Variants in STAG1 observed in about 807,000 individuals in gnomAD.
STAG1 encodes the protein cohesin subunit SA-1.
A neutral mutation model predicts 170.9 loss-of-function variants in STAG1; 26 were observed. That is an observed-to-expected ratio of 0.15 (90% CI 0.11 to 0.21). STAG1 has a LOEUF of 0.21. Among genes scored for constraint, STAG1 ranks in the 10% least tolerant of loss-of-function variants. The pLI is 1.00. For synonymous variants in STAG1, 514 were observed against 497.7 expected, an observed-to-expected ratio of 1.03 and a Z score of -0.44; for missense variants, 964 against 1,509.5, an observed-to-expected ratio of 0.64 and a Z score of 5.99.
At chr3:136,558,629 TG>T (rs1354803968) in intron 5 of STAG1, among the ~76,000 whole-genome samples, 1 of 152,228 alleles carries the variant, frequency 6.6e-6, no homozygotes, top group East Asian at 1.9e-4. Context: ...ATACTATCTA[TG>T]AGCAAAATAT....
intron 1 of STAG1, among the ~76,000 whole-genome samples, chr3:136,673,581 A>T (rs1217438962): frequency 6.6e-6 from 1 of 152,178 alleles, no homozygotes; most frequent in East Asian, 1.9e-4. Context: ...TACATGTTGT[A>T]TGTATGTACA....
At chr3:136,581,174 T>C (rs769219885) in intron 4 of STAG1, among the ~76,000 whole-genome samples, 4 of 152,216 alleles carry the variant, frequency 2.6e-5, no homozygotes, top group Non-Finnish European at 4.4e-5. Flanking sequence ...TTAACTTAGT[T>C]ATGTTATTGA....
intron 4 of STAG1, among the ~76,000 whole-genome samples, chr3:136,573,754 C>T (rs1220765442): frequency 1.3e-5 from 2 of 151,902 alleles, no homozygotes; most frequent in East Asian, 3.9e-4. Flanking sequence ...GGGCGGATCA[C>T]GAGGTCAGGA....
At position 136,349,174 on chromosome 3, in the gene STAG1, A is replaced by C; in HGVS notation, c.3255T>G (p.His1085Gln). 6.2e-7 allele frequency: 1 copy of C among 1,613,942 alleles called. No homozygotes were observed. Among genetic ancestry groups the C allele is most frequent in the Non-Finnish European group, 8.5e-7 (1 of 1,179,858 alleles). Residue 1085 changes from histidine (H) to glutamine (Q), a missense_variant, in exon 29 of 34, where the codon CAT (histidine) becomes CAG (glutamine). This residue lies in a region of STAG1 where 122 missense variants were observed against 129.0 expected (regional missense o/e 0.95). Coordinates refer to ENST00000383202, the MANE Select transcript of STAG1 (RefSeq NM_005862.3). ...VRNKKGRPPL[H>Q]KKRVEDESLD... The stretch of plus-strand genomic sequence containing the variant: ...CAGACTTACCTTCTACTCGTTTTTT[A>C]TGAAGTGGAGGTCGTCCTTTCTTAT...
At chr3:136,474,088 A>G (rs1392462681) in intron 10 of STAG1, among the ~76,000 whole-genome samples, 1 of 152,226 alleles carries the variant, frequency 6.6e-6, no homozygotes, top group Non-Finnish European at 1.5e-5. Flanking sequence ...GACAGCAGTT[A>G]GCAAAACAGA....
intron 1 of STAG1, chr3:136,721,419 A>AT (rs1169765877): frequency 1.3e-5 from 2 of 152,018 alleles, no homozygotes; most frequent in Non-Finnish European, 2.9e-5. Flanking sequence ...TTTTTACATT[A>AT]TTTTTTTCTT....
At chr3:136,374,266 G>A (rs766789904) in intron 23 of STAG1, among the ~76,000 whole-genome samples, 2 of 151,950 alleles carry the variant, frequency 1.3e-5, no homozygotes, top group Non-Finnish European at 2.9e-5. Context: ...CCTGGATACA[G>A]CACACTGTAT....
chr3:136,639,083 A>C (rs1455148398), intron 1 of STAG1, among the ~76,000 whole-genome samples: 1 of 151,196 alleles, frequency 6.6e-6, no homozygotes, highest in African/African-American at 2.4e-5. Context: ...ACACACACAC[A>C]CCTTCCTGTC....
At chr3:136,381,412 A>C (rs1937954045) in intron 22 of STAG1, among the ~76,000 whole-genome samples, 1 of 152,234 alleles carries the variant, frequency 6.6e-6, no homozygotes, top group African/African-American at 2.4e-5. Flanking sequence ...GAAAACATTA[A>C]AAAAATGAAT....
intron 7 of STAG1, among the ~76,000 whole-genome samples, chr3:136,514,874 G>A: frequency 6.6e-6 from 1 of 152,040 alleles, no homozygotes; most frequent in East Asian, 1.9e-4. Flanking sequence ...AGAACACTTG[G>A]ACACAGGGTG....
intron 21 of STAG1, among the ~76,000 whole-genome samples, chr3:136,402,061 T>C (rs1254886152): frequency 6.6e-6 from 1 of 151,942 alleles, no homozygotes; most frequent in African/African-American, 2.4e-5. Context: ...CATTATGTAA[T>C]CAGTAAATTT....
intron 2 of STAG1, among the ~76,000 whole-genome samples, chr3:136,628,343 A>G (rs1940194360): frequency 2.0e-5 from 3 of 152,212 alleles, no homozygotes; most frequent in African/African-American, 7.2e-5. Context: ...AAATGGAATA[A>G]TACACATAGT....
At chr3:136,426,882 C>G (rs147497488) in intron 16 of STAG1, among the ~76,000 whole-genome samples, 1,700 of 152,118 alleles carry the variant, frequency 0.011, 30 homozygotes, top group East Asian at 0.049. Flanking sequence ...TCCTGGCTAA[C>G]ACGGTGAAAC....
chr3:136,349,139 A>T lies in STAG1; in HGVS notation c.3271+19T>A. On this transcript the variant is annotated intron_variant, in intron 29 of 33. Transcript: ENST00000383202. ...TAAAACCAGGCAAATTGTTTCTTAT[A>T]GTGTAAAGGCAGACTTACCTTCTAC... 1 of 1,581,810 alleles carries T rather than the reference A, an allele frequency of 6.3e-7. No homozygotes were observed. Among genetic ancestry groups the T allele is most frequent in the Non-Finnish European group, 8.7e-7 (1 of 1,150,866 alleles).
chr3:136,417,013 A>AT (rs1559788057), intron 21 of STAG1, among the ~76,000 whole-genome samples: 1 of 151,832 alleles, frequency 6.6e-6, no homozygotes, highest in Non-Finnish European at 1.5e-5. Context: ...CATCTGGCTA[A>AT]TTTTTTTATT....
intron 1 of STAG1, among the ~76,000 whole-genome samples, chr3:136,656,617 T>TTGTGTGTGTG (rs71157397): frequency 0.14 from 20,340 of 143,274 alleles, 1,846 homozygotes; most frequent in Non-Finnish European, 0.2. Flanking sequence ...CTGTATTTAT[T>TTGTGTGTGTG]TGTGTGTGTG....
In STAG1 at chr3:136,744,720, C is replaced by T. The variant is rs1024881875; in HGVS notation, c.-84+7475G>A. Among the ~76,000 whole-genome samples the T allele has an allele frequency of 4.2e-5, 6 of 141,882 alleles. No individual in the cohort carries two copies. The Admixed American group carries it at 4.4e-4, about 10-fold the overall frequency. 93.1% of individuals were successfully genotyped at this position (141,882 alleles called of 152,430 possible). A position where few individuals can be genotyped will look rare whatever the true frequency, so the allele number is the denominator to read the frequency against. On this transcript the variant is annotated intron_variant, in intron 1 of 33. Coordinates refer to ENST00000383202, the MANE Select transcript of STAG1 (RefSeq NM_005862.3). ...AGACAGAGTCTCACTCTGTCACCTA[C>T]GCTGGAATGCAGTGGTGCCATCTCA...
intron 22 of STAG1, among the ~76,000 whole-genome samples, chr3:136,398,306 T>C (rs1233517219): frequency 6.6e-6 from 1 of 152,096 alleles, no homozygotes. Flanking sequence ...TTAGTAGAGA[T>C]GGAGTTTCAC....
chr3:136,540,408 A>G (rs1426529424), intron 6 of STAG1, among the ~76,000 whole-genome samples: 2 of 151,936 alleles, frequency 1.3e-5, no homozygotes, highest in Non-Finnish European at 2.9e-5. Context: ...AAATATATTT[A>G]GGTATATGAA....
Sources: gnomAD v4.1 joint callset for allele counts (sites outside exome capture counted in the v4.1 genomes callset) on GRCh38, gnomAD v4.1.1 for gene constraint, gnomAD v4.1.1 regional missense constraint, MANE v1.5 for transcripts, NCBI Gene and HGNC (gene_info 2026-07-23, HGNC 2026-07-21) for gene names.